The following MED13 variants were observed in gnomAD, a reference collection of about 807,000 sequenced individuals.
MED13 encodes mediator complex subunit 13, also known as mediator of RNA polymerase II transcription subunit 13.
MED13 carries 23 observed loss-of-function variants against 225.2 expected under a neutral mutation model. The observed-to-expected ratio is 0.10, with a 90% CI of 0.07 to 0.14. MED13 has a LOEUF of 0.14. Ranked by LOEUF, MED13 falls within the 10% of genes least tolerant of loss-of-function variation. The probability of loss-of-function intolerance (pLI) is 1.00; values close to 1 mark genes in which losing one functional copy is unlikely to be tolerated. For missense variants in MED13, 2,197 were observed against 2,594.5 expected (o/e 0.85, Z 3.33); for synonymous variants, 942 against 889.2 (o/e 1.06, Z -1.06).
intron 3 of MED13, among the ~76,000 whole-genome samples, chr17:62,043,004 A>G (rs1192258088): frequency 6.6e-6 from 1 of 151,824 alleles, no homozygotes; most frequent in African/African-American, 2.4e-5. Context: ...CTAAATTACA[A>G]AACTTAGTCA....
chr17:62,008,757 G>C (rs1469144846), intron 9 of MED13, among the ~76,000 whole-genome samples: 1 of 151,736 alleles, frequency 6.6e-6, no homozygotes, highest in Non-Finnish European at 1.5e-5. Flanking sequence ...GAAGCCACTA[G>C]TTATAAAAAA....
chr17:62,046,087 T>C (rs2080895108), intron 3 of MED13, among the ~76,000 whole-genome samples: 1 of 152,354 alleles, frequency 6.6e-6, no homozygotes, highest in African/African-American at 2.4e-5. Context: ...CAAAAGTGAA[T>C]TGATTAGTCA....
intron 8 of MED13, among the ~76,000 whole-genome samples, chr17:62,012,444 C>T (rs969975798): frequency 6.6e-6 from 1 of 151,000 alleles, no homozygotes; most frequent in African/African-American, 2.4e-5. Context: ...ATTCTCCTGC[C>T]TCAGCCTCCC....
At chr17:62,061,760 G>A (rs1372392141) in intron 2 of MED13, among the ~76,000 whole-genome samples, 1 of 152,114 alleles carries the variant, frequency 6.6e-6, no homozygotes, top group Non-Finnish European at 1.5e-5. Flanking sequence ...CATACATCAT[G>A]TATATGTACA....
chr17:62,063,085 T>C lies in MED13; in HGVS notation c.283A>G (p.Ile95Val), dbSNP rs35435022. ...CTTTCACCTGATAAGTCATGGTGAA[T>C]AAGGTCAGCAAAACTGGGGTCTTCA... ...WGEDPSFADL[I>V]HHDLSEEEDG... The change falls in exon 2 of 30, where the codon ATT (isoleucine) becomes GTT (valine). Residue 95 changes from isoleucine to valine, a missense_variant. Transcript: ENST00000397786. The C allele has an allele frequency of 1.4e-3, 2,231 of 1,613,942 alleles. 30 individuals are homozygous for C. In the African/African-American group the frequency reaches 0.026, roughly 19 times the overall value.
rs780900295 is a variant in MED13, at chr17:61,953,095, C to G, written c.5987G>C (p.Gly1996Ala). 4 of 1,613,502 alleles carry G rather than the reference C, an allele frequency of 2.5e-6. No homozygotes were observed. The Admixed American group carries it at 6.7e-5, about 27-fold the overall frequency. The change falls in exon 27 of 30, where the codon GGT becomes GCT. Residue 1996 changes from glycine (G) to alanine (A), a missense_variant. Around this residue, in one of 12 missense-constraint regions of MED13, gnomAD observed 216 missense variants for 388.9 expected, o/e 0.56. Transcript: ENST00000397786. The stretch of plus-strand genomic sequence containing the variant: ...TCCTGTGTCTAACAAATCAAAGATA[C>G]CCATTCCATCTGCTCCATCTAAACA... ...NPNNDGADGM[G>A]IFDLLDTGDD...
intron 16 of MED13, among the ~76,000 whole-genome samples, chr17:61,975,700 G>T (rs562644883): frequency 6.6e-6 from 1 of 152,020 alleles, no homozygotes; most frequent in South Asian, 2.1e-4. Context: ...CAGCCTGGAT[G>T]ACAGAGTGAG....
At chr17:61,984,060 T>A in intron 15 of MED13, 111 bp downstream of exon 15, 1 of 781,674 alleles carries the variant, frequency 1.3e-6, no homozygotes. Flanking sequence ...GAAATAATTT[T>A]TAGAATTTTC....
intron 8 of MED13, among the ~76,000 whole-genome samples, chr17:62,021,343 C>T (rs1250895570): frequency 6.8e-6 from 1 of 147,922 alleles, no homozygotes; most frequent in East Asian, 2.0e-4. Context: ...CCCTCCCGGA[C>T]AGGGTGGCTG....
At chr17:62,018,837 C>CCTA (rs781285302) in intron 8 of MED13, among the ~76,000 whole-genome samples, 2 of 152,030 alleles carry the variant, frequency 1.3e-5, no homozygotes, top group Non-Finnish European at 2.9e-5. Flanking sequence ...GAATATCGAT[C>CCTA]CTACACGGAT....
chr17:61,963,140 T>C (rs978976331), intron 20 of MED13, among the ~76,000 whole-genome samples, 169 bp from the exon 21 acceptor site: 1 of 142,056 alleles, frequency 7.0e-6, no homozygotes, highest in African/African-American at 2.7e-5. Context: ...CCATAAACAT[T>C]GTACATACAA....
chr17:61,986,342 A>G (rs1418169242), intron 12 of MED13, among the ~76,000 whole-genome samples: 2 of 152,196 alleles, frequency 1.3e-5, no homozygotes, highest in Non-Finnish European at 2.9e-5. Flanking sequence ...CAAATGTACC[A>G]TAGAAGTTTC....
intron 9 of MED13, among the ~76,000 whole-genome samples, chr17:61,999,909 A>T (rs1221200189): frequency 6.6e-6 from 1 of 152,022 alleles, no homozygotes; most frequent in Non-Finnish European, 1.5e-5. Context: ...GCTAAAAAAA[A>T]ATGTTTTTAA....
chr17:61,984,671 G>A lies in MED13; in HGVS notation c.2671C>T (p.Pro891Ser). ...KIEVDEGFCS[P>S]KPSEIKDFSY... is the part of the protein sequence containing the mutation. ...CTTACTTTAATTTCAGAAGGTTTGG[G>A]GCTACAGAATCCCTCATCAACCTCA... is the stretch of plus-strand genomic sequence containing the variant. The change falls in exon 14 of 30, where the codon CCC becomes TCC. Residue 891 changes from proline (P) to serine (S), a missense_variant. By Grantham distance (74) the Pro-to-Ser change is moderately conservative. This residue lies in a region of MED13 where 160 missense variants were observed against 184.8 expected (regional missense o/e 0.87). Transcript: ENST00000397786. 2 of 1,612,352 alleles carry A rather than the reference G, an allele frequency of 1.2e-6. No individual in the cohort carries two copies. Among genetic ancestry groups the A allele is most frequent in the Non-Finnish European group, 1.7e-6 (2 of 1,179,150 alleles).
chr17:61,981,716 TTC>T (rs1258958464), intron 16 of MED13, among the ~76,000 whole-genome samples: 2 of 152,234 alleles, frequency 1.3e-5, no homozygotes, highest in African/African-American at 2.4e-5. Flanking sequence ...TGGTGTCTTG[TTC>T]TGTTTTACTC....
intron 16 of MED13, among the ~76,000 whole-genome samples, chr17:61,976,023 A>AAAAT (rs1248900647): frequency 6.6e-6 from 1 of 152,228 alleles, no homozygotes; most frequent in South Asian, 2.1e-4. Flanking sequence ...TCTCAAAAAA[A>AAAAT]AAATAAATAA....
At chr17:62,015,451 T>A (rs1298994001) in intron 8 of MED13, among the ~76,000 whole-genome samples, 1 of 152,058 alleles carries the variant, frequency 6.6e-6, no homozygotes, top group Non-Finnish European at 1.5e-5. Flanking sequence ...AAAAAAACAA[T>A]AAGTTGCAGA....
chr17:62,015,928 ATATATATATATATATATATATATATAT>A (rs2080565739), intron 8 of MED13, among the ~76,000 whole-genome samples: 2 of 6,074 alleles, frequency 3.3e-4, no homozygotes, highest in Non-Finnish European at 4.2e-4. Context: ...ATATATATAT[ATATATATATATATATATATATATATAT>A]TTTTTTTTTT....
chr17:61,996,090 A>G (rs1003297358), intron 9 of MED13, among the ~76,000 whole-genome samples: 1 of 152,206 alleles, frequency 6.6e-6, no homozygotes, highest in Non-Finnish European at 1.5e-5. Flanking sequence ...GAAGACAACA[A>G]GGAAGTTGGA....
Sources: allele counts gnomAD v4.1 joint callset (sites outside exome capture counted in the v4.1 genomes callset), GRCh38; gene constraint gnomAD v4.1.1; regional missense constraint gnomAD v4.1.1; transcripts MANE v1.5; gene names NCBI Gene and HGNC (gene_info 2026-07-23, HGNC 2026-07-21).